The following RNF212B variants were observed in gnomAD, a reference collection of about 807,000 sequenced individuals.
The protein encoded by RNF212B is ring finger protein 212B, also known as E3 ubiquitin-protein ligase RNF212B.
A neutral mutation model predicts 55.5 loss-of-function variants in RNF212B; 52 were observed. The ratio of observed to expected loss-of-function variants is 0.94; its 90% confidence interval spans 0.75 to 1.18. The LOEUF (loss-of-function observed/expected upper bound fraction) is 1.18, where lower values mean the gene tolerates loss of function less well. Ranked by LOEUF, RNF212B falls within the 50% of genes most tolerant of loss-of-function variation. RNF212B has a pLI of 0.00. For synonymous variants in RNF212B, 99 were observed against 121.4 expected, an observed-to-expected ratio of 0.82 and a Z score of 1.21; for missense variants, 289 against 350.4, an observed-to-expected ratio of 0.82 and a Z score of 1.40.
At chr14:23,219,672 A>G (rs923313268) in intron 2 of RNF212B, among the ~76,000 whole-genome samples, 9 of 151,910 alleles carry the variant, frequency 5.9e-5, no homozygotes, top group African/African-American at 1.7e-4. Flanking sequence ...GGGTTTCACC[A>G]TGTTGGTCAG....
intron 2 of RNF212B, among the ~76,000 whole-genome samples, chr14:23,202,852 A>AAT (rs1205960543): frequency 2.0e-5 from 3 of 150,664 alleles, no homozygotes; most frequent in African/African-American, 7.2e-5. Flanking sequence ...CCTGTCTCAA[A>AAT]AAAAAAAAAA....
intron 2 of RNF212B, among the ~76,000 whole-genome samples, chr14:23,207,481 T>C (rs1381904111): frequency 6.6e-6 from 1 of 152,166 alleles, no homozygotes; most frequent in Non-Finnish European, 1.5e-5. Context: ...AAAGAAGAGT[T>C]GTACAGCAAA....
At chr14:23,237,814 G>T (rs566266380), upstream of RNF212B, among the ~76,000 whole-genome samples, 2 of 152,250 alleles carry the variant, frequency 1.3e-5, no homozygotes, top group South Asian at 4.1e-4. Context: ...GCCGCTCCTA[G>T]CCCAGTGACA....
intron 3 of RNF212B, 53 bp downstream of exon 3, chr14:23,243,361 G>C (rs1299966044): frequency 1.6e-5 from 23 of 1,397,508 alleles, no homozygotes; most frequent in Non-Finnish European, 2.3e-5. Context: ...CTGGCCTGTA[G>C]GAAGTATATA....
chr14:23,239,569 G>A (rs1027090423), intron 1 of RNF212B, among the ~76,000 whole-genome samples: 7 of 152,052 alleles, frequency 4.6e-5, no homozygotes, highest in Non-Finnish European at 8.8e-5. Context: ...AGAAATGGAC[G>A]ATTCATTTTT....
chr14:23,259,817 T>C (rs1364506226), intron 5 of RNF212B, 67 bp from the exon 6 acceptor site: 6 of 788,278 alleles, frequency 7.6e-6, no homozygotes, highest in Non-Finnish European at 1.2e-5. Flanking sequence ...TTAATAGTTA[T>C]AATAATAAAA....
intron 4 of RNF212B, among the ~76,000 whole-genome samples, chr14:23,252,282 GT>G (rs1884473526): frequency 6.6e-6 from 1 of 151,894 alleles, no homozygotes; most frequent in South Asian, 2.1e-4. Flanking sequence ...AATGCCAAAG[GT>G]TTTAGTAACT....
chr14:23,220,057 G>A (rs566591547), intron 2 of RNF212B, among the ~76,000 whole-genome samples: 1 of 152,048 alleles, frequency 6.6e-6, no homozygotes, highest in East Asian at 2.0e-4. Context: ...GGTGGCACAT[G>A]CCTGTAATCC....
intron 6 of RNF212B, among the ~76,000 whole-genome samples, chr14:23,260,371 A>G (rs543426075): frequency 2.6e-5 from 4 of 152,344 alleles, no homozygotes; most frequent in African/African-American, 7.2e-5. Context: ...TAATTATTCT[A>G]GCACATTGTA....
rs552783154 is a variant in RNF212B, at chr14:23,272,992, T to C, written c.*101T>C. 106 of 659,232 alleles carry C rather than the reference T, an allele frequency of 1.6e-4. No individual in the cohort carries two copies. The African/African-American group carries it at 1.8e-3, about 11-fold the overall frequency. 40.8% of individuals were successfully genotyped at this position (659,232 alleles called of 1,614,324 possible). On this transcript the variant is annotated 3_prime_UTR_variant, in exon 15 of 15. Transcript: ENST00000430154. The stretch of plus-strand genomic sequence containing the variant: ...CCCTGGAAAATGTATCCCTGCATTG[T>C]TTCCTAGTTTCACTCTGTACCTTAT...
rs1566412295 is a variant in RNF212B at position 23,229,223 on chromosome 14, TATATATATATA to T, written c.-1-11121_-1-11111del. Among the ~76,000 whole-genome samples, 55 of 75,516 alleles carry T rather than the reference TATATATATATA, an allele frequency of 7.3e-4. 1 individual carries two copies. In the East Asian group the frequency reaches 9.1e-3, roughly 13 times the overall value. 49.5% of individuals were successfully genotyped at this position (75,516 alleles called of 152,430 possible). A position where few individuals can be genotyped will look rare whatever the true frequency, so the allele number is the denominator to read the frequency against. Reference sequence around the variant, plus strand: ...TCCTTTATGGCTGAATAATATTTTATATATATATATATATATATATATATATATATATATAT... The same window carrying T: ...TCCTTTATGGCTGAATAATATTTTATTATATATATATATATATATATATAT... On this transcript the variant is annotated intron_variant, in intron 2 of 15. Transcript: ENST00000399910.
At chr14:23,262,534 C>T in intron 7 of RNF212B, 131 bp from the exon 8 acceptor site, 3 of 765,634 alleles carry the variant, frequency 3.9e-6, no homozygotes, top group Non-Finnish European at 2.1e-6. Context: ...ACCTATAATA[C>T]ATGAGAGTAA....
intron 2 of RNF212B, among the ~76,000 whole-genome samples, chr14:23,212,539 A>G (rs2140392288): frequency 6.6e-6 from 1 of 152,146 alleles, no homozygotes; most frequent in South Asian, 2.1e-4. Flanking sequence ...TCAGAAATTT[A>G]AACTTTATTT....
chr14:23,258,691 AGC>A, intron 5 of RNF212B, 27 bp downstream of exon 5: 1 of 867,914 alleles, frequency 1.2e-6, no homozygotes, highest in Non-Finnish European at 1.7e-6. Flanking sequence ...GTCCCAAGAG[AGC>A]TTTTTTTTTT....
chr14:23,234,946 G>T (rs557934689), upstream of RNF212B, among the ~76,000 whole-genome samples: 42 of 152,190 alleles, frequency 2.8e-4, no homozygotes, highest in African/African-American at 9.6e-4. Context: ...GGGTACGGTG[G>T]CTCATACCTG....
intron 4 of RNF212B, among the ~76,000 whole-genome samples, chr14:23,247,582 G>T (rs1884082484): frequency 1.3e-5 from 2 of 152,216 alleles, no homozygotes; most frequent in Non-Finnish European, 2.9e-5. Context: ...TAGCATCTCT[G>T]TTAGGACTTT....
chr14:23,233,419 G>A (rs1337763824), upstream of RNF212B, among the ~76,000 whole-genome samples: 7 of 144,232 alleles, frequency 4.9e-5, no homozygotes, highest in Admixed American at 6.8e-5. Context: ...AAAAAAAAAA[G>A]AATATTTAAA....
chr14:23,264,435 A>G (rs550567637), intron 10 of RNF212B, among the ~76,000 whole-genome samples, 188 bp from the exon 11 acceptor site: 2 of 152,374 alleles, frequency 1.3e-5, no homozygotes, highest in South Asian at 4.1e-4. Flanking sequence ...GAAAGTGTTT[A>G]AGGACTCAAT....
At chr14:23,192,618 T>A (rs576330064) in intron 1 of RNF212B, among the ~76,000 whole-genome samples, 10 of 152,078 alleles carry the variant, frequency 6.6e-5, no homozygotes, top group Non-Finnish European at 1.5e-5. Context: ...CACACCAACA[T>A]GGCACATGTA....
Sources: gnomAD v4.1 joint callset for allele counts (sites outside exome capture counted in the v4.1 genomes callset) on GRCh38, gnomAD v4.1.1 for gene constraint, MANE v1.5 for transcripts, NCBI Gene and HGNC (gene_info 2026-07-23, HGNC 2026-07-21) for gene names.